The following PACSIN1 variants were observed in gnomAD, a reference collection of about 807,000 sequenced individuals.
PACSIN1 encodes protein kinase C and casein kinase substrate in neurons protein 1.
Under a neutral mutation model 59.5 loss-of-function variants are expected in PACSIN1, and 15 were observed. The ratio of observed to expected loss-of-function variants is 0.25; its 90% CI spans 0.17 to 0.39. The LOEUF (loss-of-function observed/expected upper bound fraction) is 0.39, where lower values mean the gene tolerates loss of function less well. Ranked by LOEUF, PACSIN1 falls within the 10% of genes least tolerant of loss-of-function variation. The probability of loss-of-function intolerance (pLI) is 1.00; values close to 1 mark genes in which losing one functional copy is unlikely to be tolerated. For missense variants in PACSIN1, 420 were observed against 580.2 expected (o/e 0.72, Z 2.84); for synonymous variants, 210 against 220.6 (o/e 0.95, Z 0.42).
At chr6:34,479,797 T>C (rs1766689819) in intron 1 of PACSIN1, among the ~76,000 whole-genome samples, 1 of 151,154 alleles carries the variant, frequency 6.6e-6, no homozygotes, top group African/African-American at 2.4e-5. Flanking sequence ...CATTAAAGTC[T>C]GTTGTTTTTT....
At chr6:34,481,686 A>G (rs1481398284) in intron 1 of PACSIN1, among the ~76,000 whole-genome samples, 4 of 152,050 alleles carry the variant, frequency 2.6e-5, no homozygotes, top group Admixed American at 2.6e-4. Context: ...AAAAAAAGAA[A>G]AAAGAAAATA....
chr6:34,511,032 G>A (rs986250246), intron 1 of PACSIN1, among the ~76,000 whole-genome samples: 1 of 152,118 alleles, frequency 6.6e-6, no homozygotes, highest in Non-Finnish European at 1.5e-5. Context: ...TTTCTTGGTA[G>A]CACTGCTCAT....
chr6:34,478,973 G>A (rs1375260193), intron 1 of PACSIN1, among the ~76,000 whole-genome samples: 2 of 152,100 alleles, frequency 1.3e-5, no homozygotes, highest in African/African-American at 4.8e-5. Flanking sequence ...AGAGCAACAA[G>A]TGGGCAAGTG....
In PACSIN1 at chr6:34,529,013, G is replaced by A; in HGVS notation, c.456+136G>A. 1.4e-6 allele frequency: 1 copy of A among 692,652 alleles called. No individual in the cohort carries two copies. The highest frequency in any genetic ancestry group is 1.8e-5 in the South Asian group (1 of 54,134). 42.9% of individuals were successfully genotyped at this position (692,652 alleles called of 1,614,324 possible). A position where few individuals can be genotyped will look rare whatever the true frequency, so the allele number is the denominator to read the frequency against. The stretch of plus-strand genomic sequence containing the variant: ...ATTGTGCCCACAGGGGAGCAGCACT[G>A]CCTTCCAGGAAAAAATATTCACAGA... On this transcript the variant is annotated intron_variant, in intron 4 of 9. Coordinates refer to ENST00000244458, the MANE Select transcript of PACSIN1 (RefSeq NM_020804.5). This position sits in a 1 kb window ranked among gnomAD's most constrained non-coding sequence, Gnocchi z 6.3.
At chr6:34,497,489 T>C (rs1016391374) in intron 1 of PACSIN1, among the ~76,000 whole-genome samples, 3 of 152,066 alleles carry the variant, frequency 2.0e-5, no homozygotes, top group African/African-American at 7.2e-5. Flanking sequence ...GCTGCAACAA[T>C]TGGGAAGCTT....
chr6:34,493,231 G>A (rs1173775663), intron 1 of PACSIN1, among the ~76,000 whole-genome samples: 1 of 152,240 alleles, frequency 6.6e-6, no homozygotes, highest in Non-Finnish European at 1.5e-5. Flanking sequence ...TGCAGCTGGG[G>A]GATGGAGTGT....
chr6:34,520,940 A>G (rs561591514), intron 1 of PACSIN1, among the ~76,000 whole-genome samples: 61 of 152,286 alleles, frequency 4.0e-4, no homozygotes, highest in Non-Finnish European at 7.1e-4. Flanking sequence ...CACTGTGTGC[A>G]GGTAACTGTG....
In PACSIN1 at chr6:34,521,307, T is replaced by C. The variant is rs1039161542; in HGVS notation, c.-63-4936T>C. 2.0e-5 allele frequency among the ~76,000 whole-genome samples: 3 copies of C among 152,148 alleles called. No individual in the cohort carries two copies. Among genetic ancestry groups the C allele is most frequent in the South Asian group, 2.1e-4 (1 of 4,828 alleles). ...AGCTGGGTGACTCCCAGGCCTGTGA[T>C]TGGTGACCACTGAGGTAGGAATCCA... On this transcript the variant is annotated intron_variant, in intron 1 of 9. Transcript: ENST00000244458. This position sits in a 1 kb window ranked among gnomAD's most constrained non-coding sequence, Gnocchi z 4.3.
At position 34,517,470 on chromosome 6, in the gene PACSIN1, A is replaced by T. The variant is rs528013486; in HGVS notation, c.-63-8773A>T. ...AAAGCTAAAGGCCTCCCTCTGACCT[A>T]CAAGGCCCTCCCCAGTTCCCTCCCC... On this transcript the variant is annotated intron_variant, in intron 1 of 9. Coordinates refer to ENST00000244458, the MANE Select transcript of PACSIN1 (RefSeq NM_020804.5). 4.5e-4 allele frequency among the ~76,000 whole-genome samples: 68 copies of T among 152,200 alleles called. No homozygotes were observed. The South Asian group carries it at 0.014, about 31-fold the overall frequency.
intron 1 of PACSIN1, among the ~76,000 whole-genome samples, chr6:34,496,708 A>T (rs1183168558): frequency 6.6e-6 from 1 of 152,072 alleles, no homozygotes; most frequent in Non-Finnish European, 1.5e-5. Context: ...GACCAGACAA[A>T]ATGGCTTTGG....
At chr6:34,512,136 A>C (rs1463782120) in intron 1 of PACSIN1, among the ~76,000 whole-genome samples, 1 of 151,924 alleles carries the variant, frequency 6.6e-6, no homozygotes, top group African/African-American at 2.4e-5. Flanking sequence ...TGGGACCTGC[A>C]AGTGGGAGAG....
chr6:34,523,453 G>A (rs1010868599), intron 1 of PACSIN1, among the ~76,000 whole-genome samples: 2 of 152,240 alleles, frequency 1.3e-5, no homozygotes, highest in African/African-American at 4.8e-5. Flanking sequence ...GAGGATTAGA[G>A]GAGGTAGACT....
chr6:34,495,659 G>T (rs539347639), intron 1 of PACSIN1, among the ~76,000 whole-genome samples: 1 of 152,234 alleles, frequency 6.6e-6, no homozygotes, highest in South Asian at 2.1e-4. Flanking sequence ...CACCCTGTTG[G>T]CCAGGCTGGT....
chr6:34,505,478 G>T (rs994716555), intron 1 of PACSIN1, among the ~76,000 whole-genome samples: 41 of 147,494 alleles, frequency 2.8e-4, no homozygotes, highest in African/African-American at 1.0e-3. Context: ...ATGAATGTTA[G>T]AGCTTCTATT....
In PACSIN1 at chr6:34,515,986, G is replaced by A. The variant is rs551303899; in HGVS notation, c.-63-10257G>A. Among the ~76,000 whole-genome samples the A allele has an allele frequency of 6.6e-6, 1 of 152,300 alleles. No individual in the cohort carries two copies. Among genetic ancestry groups the A allele is most frequent in the South Asian group, 2.1e-4 (1 of 4,824 alleles). ...GAGGGGGCCCACAGGAGTTCACGGT[G>A]GGGCACACCTGGTCCAGTTTTGCCC... On this transcript the variant is annotated intron_variant, in intron 1 of 9. Coordinates refer to ENST00000244458, the MANE Select transcript of PACSIN1 (RefSeq NM_020804.5). The surrounding 1 kb of genome is among the most constrained non-coding windows in gnomAD (Gnocchi z 4.4).
At chr6:34,475,811 G>A (rs1441271695) in intron 1 of PACSIN1, among the ~76,000 whole-genome samples, 1 of 152,146 alleles carries the variant, frequency 6.6e-6, no homozygotes, top group Admixed American at 6.5e-5. Context: ...CTGTGGGGAT[G>A]GTATTTATTA....
intron 1 of PACSIN1, among the ~76,000 whole-genome samples, chr6:34,494,389 C>T (rs1398879138): frequency 1.3e-5 from 2 of 152,090 alleles, no homozygotes; most frequent in Non-Finnish European, 2.9e-5. Context: ...TTCTGGGGGC[C>T]TTTTAAAAAG....
At position 34,530,420 on chromosome 6, in the gene PACSIN1, G is replaced by GCATA; in HGVS notation, c.910-39_910-36dup. On this transcript the variant is annotated intron_variant, in intron 7 of 9. Coordinates refer to ENST00000244458, the MANE Select transcript of PACSIN1 (RefSeq NM_020804.5). This position sits in a 1 kb window ranked among gnomAD's most constrained non-coding sequence, Gnocchi z 4.4. ...TGAAGAGGCTGAAAGGTGCCTCAGG[G>GCATA]CATAGTCCCCCAGCCTGACTGCTCC... is the stretch of plus-strand genomic sequence containing the variant. The GCATA allele has an allele frequency of 3.1e-6, 5 of 1,601,194 alleles. No homozygotes were observed. Among genetic ancestry groups the GCATA allele is most frequent in the Non-Finnish European group, 4.3e-6 (5 of 1,171,180 alleles).
At chr6:34,524,002 G>A (rs1767441596) in intron 1 of PACSIN1, among the ~76,000 whole-genome samples, 1 of 152,218 alleles carries the variant, frequency 6.6e-6, no homozygotes, top group African/African-American at 2.4e-5. Context: ...GGCCCAGAGA[G>A]GCCTGCGAAT....
Sources: allele counts gnomAD v4.1 joint callset (sites outside exome capture counted in the v4.1 genomes callset), GRCh38; gene constraint gnomAD v4.1.1; non-coding constraint Gnocchi (gnomAD v3.1); transcripts MANE v1.5; gene names NCBI Gene and HGNC (gene_info 2026-07-23, HGNC 2026-07-21).